The following UGT1A7 variants were observed in gnomAD, a reference collection of about 807,000 sequenced individuals.
The protein encoded by UGT1A7 is UDP-glucuronosyltransferase 1A7.
UGT1A7 carries 33 observed loss-of-function variants against 45.6 expected under a neutral mutation model. That is an observed-to-expected ratio of 0.72 (90% CI 0.55 to 0.97). The LOEUF is 0.97. Ranked by LOEUF, UGT1A7 falls within the 50% of genes least tolerant of loss-of-function variation. The pLI is 0.00. For synonymous variants in UGT1A7, 274 were observed against 250.6 expected, an observed-to-expected ratio of 1.09 and a Z score of -0.88; for missense variants, 684 against 666.2, an observed-to-expected ratio of 1.03 and a Z score of -0.29.
chr2:233,753,656 A>G (rs554176629), intron 1 of UGT1A7: 2 of 152,198 alleles, frequency 1.3e-5, no homozygotes, highest in Non-Finnish European at 2.9e-5. Flanking sequence ...TACTTTCTCA[A>G]TTGTGTGTAT....
At position 233,757,541 on chromosome 2, in the gene UGT1A7, T is replaced by TATACATATAC. The variant is rs1229454769; in HGVS notation, c.856-9490_856-9489insCATATACATA. ...CAAAATCTTGCCTGTAAGGAATATA[T>TATACATATAC]ATATATATATATATATATATGTATA... On this transcript the variant is annotated intron_variant, in intron 1 of 4. Transcript: ENST00000373426. Among the ~76,000 whole-genome samples the TATACATATAC allele has an allele frequency of 5.2e-3, 611 of 117,548 alleles. 31 individuals carry two copies. Among genetic ancestry groups the TATACATATAC allele is most frequent in the Admixed American group, 0.029 (361 of 12,346 alleles). The allele number at this position is 117,548 out of a possible 152,430, so 77.1% of individuals were successfully genotyped here.
chr2:233,744,088 A>C, intron 1 of UGT1A7: 1 of 431,958 alleles, frequency 2.3e-6, no homozygotes, highest in South Asian at 2.0e-5. Context: ...CCCAAGATGC[A>C]GTGCTTCTGG....
At chr2:233,698,403 A>ACAC (rs1306407521) in intron 1 of UGT1A7, among the ~76,000 whole-genome samples, 3 of 152,206 alleles carry the variant, frequency 2.0e-5, no homozygotes. Context: ...ATTTTATGTG[A>ACAC]CTTCATCGCA....
Position 233,682,535 on chromosome 2 carries a change from G to A in UGT1A7, c.598G>A (p.Ala200Thr), listed in dbSNP as rs765046704. ...CAGACTTCTCTTAGGGTTCTCAGAC[G>A]CCATGACTTTCAAGGAGAGAGTATG... is the stretch of plus-strand genomic sequence containing the variant. ...VPRLLLGFSD[A>T]MTFKERVWNH... Residue 200 changes from alanine (A) to threonine (T), a missense_variant, in exon 1 of 5, where the codon GCC becomes ACC. Ala to Thr is a moderately conservative substitution (Grantham distance 58, BLOSUM62 0). Coordinates refer to ENST00000373426, the MANE Select transcript of UGT1A7 (RefSeq NM_019077.3). 4.3e-6 allele frequency: 7 copies of A among 1,613,844 alleles called. No homozygotes were observed. The highest frequency in any genetic ancestry group is 3.3e-5 in the South Asian group (3 of 91,074).
intron 1 of UGT1A7, chr2:233,690,415 C>A: frequency 8.3e-7 from 1 of 1,207,142 alleles, no homozygotes; most frequent in Non-Finnish European, 1.1e-6. Flanking sequence ...CATGAAATTA[C>A]CTTCATGCAC....
chr2:233,731,781 A>G (rs2078203894), intron 1 of UGT1A7, among the ~76,000 whole-genome samples: 1 of 152,164 alleles, frequency 6.6e-6, no homozygotes, highest in Admixed American at 6.5e-5. Context: ...ATCATTTATA[A>G]TCGTTTGGGT....
intron 1 of UGT1A7, 84 bp from the exon 2 acceptor site, chr2:233,766,950 A>G: frequency 6.2e-7 from 1 of 1,601,228 alleles, no homozygotes. Context: ...TCTTAAGAGG[A>G]AGATATCTAA....
chr2:233,682,594 T>A lies in UGT1A7; in HGVS notation c.657T>A (p.Phe219Leu). The A allele has an allele frequency of 6.2e-7, 1 of 1,613,954 alleles. No homozygotes were observed. The highest frequency in any genetic ancestry group is 1.3e-5 in the African/African-American group (1 of 75,056). Residue 219 changes from phenylalanine (F) to leucine (L), a missense_variant, in exon 1 of 5, where the codon TTT (phenylalanine) becomes TTA (leucine). Coordinates refer to ENST00000373426, the MANE Select transcript of UGT1A7 (RefSeq NM_019077.3). ...NHIMHLEEHLFCPYFFKNVLE... is the reference protein window; with the variant it reads ...NHIMHLEEHLLCPYFFKNVLE... ...TCATGCACTTGGAGGAACATTTATT[T>A]TGCCCCTATTTTTTCAAAAATGTCT... is the stretch of plus-strand genomic sequence containing the variant.
chr2:233,745,507 G>T (rs1198591343), intron 1 of UGT1A7, among the ~76,000 whole-genome samples: 14 of 151,594 alleles, frequency 9.2e-5, no homozygotes, highest in Non-Finnish European at 2.9e-5. Context: ...TTCCTATAGG[G>T]TATTAGGTCT....
At chr2:233,691,355 C>G (rs2075039802) in intron 1 of UGT1A7, 1 of 985,428 alleles carries the variant, frequency 1.0e-6, no homozygotes, top group African/African-American at 1.7e-5. Context: ...ATGCCTTGAA[C>G]AATGAATTTG....
At position 233,756,997 on chromosome 2, in the gene UGT1A7, A is replaced by G. The variant is rs1051475353; in HGVS notation, c.856-10037A>G. Among the ~76,000 whole-genome samples the G allele has an allele frequency of 5.9e-5, 9 of 151,946 alleles. No homozygotes were observed. The highest frequency in any genetic ancestry group is 1.9e-4 in the African/African-American group (8 of 41,328). On this transcript the variant is annotated intron_variant, in intron 1 of 4. Coordinates refer to ENST00000373426, the MANE Select transcript of UGT1A7 (RefSeq NM_019077.3). ...AATGAACAGTCATAGTAAGCTGGCC[A>G]AGGGTAGAGTTCAGTTTGAACAAAG...
At chr2:233,723,995 T>G (rs1311992606) in intron 1 of UGT1A7, among the ~76,000 whole-genome samples, 3 of 71,382 alleles carry the variant, frequency 4.2e-5, no homozygotes, top group Admixed American at 3.7e-4. Flanking sequence ...CGCCTTTCTA[T>G]TCCACAAAGC....
At chr2:233,755,133 A>C (rs576279774) in intron 1 of UGT1A7, 1 of 1,319,072 alleles carries the variant, frequency 7.6e-7, no homozygotes, top group Admixed American at 1.9e-5. Flanking sequence ...CACCTGCTTG[A>C]ATCTTCTCAC....
At chr2:233,690,981 C>T in intron 1 of UGT1A7, 5 of 997,484 alleles carry the variant, frequency 5.0e-6, no homozygotes, top group Non-Finnish European at 6.0e-6. Flanking sequence ...ACAGGACCCA[C>T]ATATGAGCAA....
intron 1 of UGT1A7, among the ~76,000 whole-genome samples, chr2:233,702,447 T>C (rs1325410425): frequency 1.3e-5 from 2 of 152,174 alleles, no homozygotes; most frequent in African/African-American, 4.8e-5. Flanking sequence ...AAGGATAACA[T>C]TTATTTCTTT....
chr2:233,694,161 CAG>C (rs1316707108), intron 1 of UGT1A7, among the ~76,000 whole-genome samples: 2 of 152,146 alleles, frequency 1.3e-5, no homozygotes, highest in African/African-American at 4.8e-5. Context: ...CCAGTTCAAA[CAG>C]AGGTGAAGGC....
At chr2:233,754,443 A>G (rs925752742) in intron 1 of UGT1A7, 4 of 350,446 alleles carry the variant, frequency 1.1e-5, no homozygotes, top group Admixed American at 3.9e-5. Context: ...GTGTTTATAA[A>G]TTCTTGGGTA....
At chr2:233,754,978 CG>C (rs1333953486) in intron 1 of UGT1A7, 1 of 1,298,378 alleles carries the variant, frequency 7.7e-7, no homozygotes, top group Non-Finnish European at 1.0e-6. Context: ...CTGAAGACCT[CG>C]GCGGGGTCAC....
At chr2:233,723,411 T>C in intron 1 of UGT1A7, among the ~76,000 whole-genome samples, 1 of 134,312 alleles carries the variant, frequency 7.4e-6, no homozygotes, top group African/African-American at 3.0e-5. Context: ...GGTTTCACCA[T>C]ACTGGTCAGG....
Sources: allele counts gnomAD v4.1 joint callset (sites outside exome capture counted in the v4.1 genomes callset), GRCh38; gene constraint gnomAD v4.1.1; transcripts MANE v1.5; gene names NCBI Gene and HGNC (gene_info 2026-07-23, HGNC 2026-07-21).